Variants in SFMBT1 observed in about 807,000 individuals in gnomAD.
SFMBT1 encodes the protein scm-like with four MBT domains protein 1.
A neutral mutation model predicts 108.7 loss-of-function variants in SFMBT1; 32 were observed. The observed-to-expected ratio is 0.29, with a 90% CI of 0.22 to 0.40. SFMBT1 has a LOEUF of 0.40. Ranked by LOEUF, SFMBT1 falls within the 10% of genes least tolerant of loss-of-function variation. The probability of loss-of-function intolerance (pLI) is 1.00; values close to 1 mark genes in which losing one functional copy is unlikely to be tolerated. For missense variants in SFMBT1, 816 were observed against 1,059.6 expected (o/e 0.77, Z 3.19); for synonymous variants, 348 against 369.5 (o/e 0.94, Z 0.67).
chr3:52,905,758 G>C (rs757604908), intron 20 of SFMBT1, among the ~76,000 whole-genome samples: 11 of 152,108 alleles, frequency 7.2e-5, no homozygotes, highest in Admixed American at 4.6e-4. Context: ...CAGCAAGCTT[G>C]CCTTAAAACT....
chr3:52,989,451 G>GAAAA (rs1705044743), intron 1 of SFMBT1, among the ~76,000 whole-genome samples: 1 of 142,286 alleles, frequency 7.0e-6, no homozygotes, highest in African/African-American at 2.6e-5. Flanking sequence ...AAGAAAGAAA[G>GAAAA]AAAGAAAGAA....
chr3:53,008,709 C>T (rs1698834609), intron 1 of SFMBT1, among the ~76,000 whole-genome samples: 1 of 151,510 alleles, frequency 6.6e-6, no homozygotes. Context: ...AAGCTCACTG[C>T]AAGCTCCGCC....
Position 52,998,623 on chromosome 3 carries a change from G to A in SFMBT1, c.-130-29365C>T, listed in dbSNP as rs73839786. On this transcript the variant is annotated intron_variant, in intron 1 of 20. Coordinates refer to ENST00000394752, the MANE Select transcript of SFMBT1 (RefSeq NM_016329.4). ...TGACTGCAGCCATGGCTAAGAAAGCGCCAGCGCCCACCCACCTGGGCCAAT... is the reference window on the plus strand; with the variant it reads ...TGACTGCAGCCATGGCTAAGAAAGCACCAGCGCCCACCCACCTGGGCCAAT... Among the ~76,000 whole-genome samples, 318 of 150,224 alleles carry A rather than the reference G, an allele frequency of 2.1e-3. 9 individuals carry two copies. Among genetic ancestry groups the A allele is most frequent in the African/African-American group, 6.9e-3 (285 of 41,362 alleles).
intron 9 of SFMBT1, 152 bp downstream of exon 9, chr3:52,928,039 G>T: frequency 1.1e-6 from 1 of 904,220 alleles, no homozygotes; most frequent in Non-Finnish European, 1.6e-6. Flanking sequence ...ATGGAATCTA[G>T]ACCTTTCCTT....
intron 10 of SFMBT1, among the ~76,000 whole-genome samples, chr3:52,922,467 A>G (rs190099634): frequency 6.6e-6 from 1 of 152,352 alleles, no homozygotes; most frequent in East Asian, 1.9e-4. Context: ...TCTATTTTGA[A>G]GACAAAAACT....
At chr3:52,982,438 T>C (rs553782768) in intron 1 of SFMBT1, among the ~76,000 whole-genome samples, 22 of 152,186 alleles carry the variant, frequency 1.4e-4, no homozygotes, top group African/African-American at 4.6e-4. Context: ...GGTTAAGATA[T>C]AGATCATGGG....
intron 1 of SFMBT1, among the ~76,000 whole-genome samples, chr3:53,016,174 C>T (rs1435935236): frequency 6.6e-6 from 1 of 151,168 alleles, no homozygotes; most frequent in Non-Finnish European, 1.5e-5. Flanking sequence ...AAAAACAAAA[C>T]CCAGAACTTT....
chr3:52,927,376 G>C (rs1323261395), intron 9 of SFMBT1, among the ~76,000 whole-genome samples: 4 of 152,194 alleles, frequency 2.6e-5, no homozygotes, highest in Non-Finnish European at 5.9e-5. Flanking sequence ...GAAGACAAAG[G>C]TTCTGAGTTT....
chr3:52,999,043 C>A (rs1008686606), intron 1 of SFMBT1, among the ~76,000 whole-genome samples: 1 of 150,780 alleles, frequency 6.6e-6, no homozygotes, highest in Non-Finnish European at 1.5e-5. Flanking sequence ...CCCTTGTCAT[C>A]CATGCGTAAG....
intron 1 of SFMBT1, among the ~76,000 whole-genome samples, chr3:53,035,387 T>C (rs897126175): frequency 6.6e-6 from 1 of 152,124 alleles, no homozygotes; most frequent in Non-Finnish European, 1.5e-5. Flanking sequence ...GCTGGATGGA[T>C]GGGAGAGGTG....
At chr3:52,969,889 G>A (rs937661098) in intron 1 of SFMBT1, among the ~76,000 whole-genome samples, 5 of 152,072 alleles carry the variant, frequency 3.3e-5, no homozygotes, top group Non-Finnish European at 7.4e-5. Context: ...ATTCCTTTGA[G>A]CCCAGGAGTT....
At chr3:52,928,657 C>CAT (rs111569868) in intron 8 of SFMBT1, among the ~76,000 whole-genome samples, 106 of 36,548 alleles carry the variant, frequency 2.9e-3, no homozygotes, top group Non-Finnish European at 5.7e-3. Context: ...TATATATACA[C>CAT]ATATATACAT....
At chr3:52,958,675 G>C (rs1372419580) in intron 2 of SFMBT1, among the ~76,000 whole-genome samples, 2 of 152,178 alleles carry the variant, frequency 1.3e-5, no homozygotes, top group Non-Finnish European at 2.9e-5. Flanking sequence ...TACACTGTTG[G>C]TGGGAATGTA....
At chr3:52,916,527 G>C (rs1340658636) in intron 13 of SFMBT1, among the ~76,000 whole-genome samples, 1 of 151,662 alleles carries the variant, frequency 6.6e-6, no homozygotes, top group African/African-American at 2.4e-5. Context: ...AAATTAGCTG[G>C]GCATGGTGGC....
At chr3:53,019,755 T>A (rs1007254615) in intron 1 of SFMBT1, among the ~76,000 whole-genome samples, 6 of 152,164 alleles carry the variant, frequency 3.9e-5, no homozygotes, top group Non-Finnish European at 8.8e-5. Context: ...CATTTGGAAG[T>A]CCATTCTCCA....
intron 1 of SFMBT1, among the ~76,000 whole-genome samples, chr3:52,999,976 A>G (rs1698484940): frequency 6.7e-6 from 1 of 150,214 alleles, no homozygotes; most frequent in South Asian, 2.1e-4. Flanking sequence ...CTCCTGCCTC[A>G]GCCTCATGAG....
chr3:52,936,773 T>G (rs774386549), intron 4 of SFMBT1, among the ~76,000 whole-genome samples: 2 of 152,220 alleles, frequency 1.3e-5, no homozygotes, highest in Non-Finnish European at 2.9e-5. Flanking sequence ...TTTCTTCTTC[T>G]TCTTACATCA....
At chr3:53,013,387 T>C (rs1363272728) in intron 1 of SFMBT1, among the ~76,000 whole-genome samples, 1 of 151,584 alleles carries the variant, frequency 6.6e-6, no homozygotes, top group Non-Finnish European at 1.5e-5. Context: ...GTATAACTCT[T>C]AGTGGTATTG....
At chr3:52,950,429 T>G (rs1703534261) in intron 3 of SFMBT1, among the ~76,000 whole-genome samples, 1 of 152,238 alleles carries the variant, frequency 6.6e-6, no homozygotes, top group South Asian at 2.1e-4. Flanking sequence ...TTAGCATATA[T>G]TTATACATAA....
Sources: allele counts gnomAD v4.1 joint callset (sites outside exome capture counted in the v4.1 genomes callset), GRCh38; gene constraint gnomAD v4.1.1; transcripts MANE v1.5; gene names NCBI Gene and HGNC (gene_info 2026-07-23, HGNC 2026-07-21).